The following RNF10 variants were observed in gnomAD, a reference collection of about 807,000 sequenced individuals.
RNF10 encodes E3 ubiquitin-protein ligase RNF10.
A neutral mutation model predicts 91.4 loss-of-function variants in RNF10; 38 were observed. The observed-to-expected ratio is 0.42, with a 90% confidence interval of 0.32 to 0.54. The LOEUF is 0.54. Ranked by LOEUF, RNF10 falls within the 20% of genes least tolerant of loss-of-function variation. The pLI, the probability that RNF10 is intolerant of heterozygous loss-of-function variation, is 0.16. For missense variants in RNF10, 945 were observed against 1,012.0 expected, an observed-to-expected ratio of 0.93 and a Z score of 0.90; for synonymous variants, 364 against 366.3, an observed-to-expected ratio of 0.99 and a Z score of 0.07.
Position 120,563,344 on chromosome 12 carries a change from C to G in RNF10, c.1255-3C>G, listed in dbSNP as rs187587613. On this transcript the variant is annotated splice_region_variant and splice_polypyrimidine_tract_variant and intron_variant, in intron 8 of 16. Coordinates refer to ENST00000325954, the MANE Select transcript of RNF10 (RefSeq NM_014868.5). ...TCTGTTGACTTAGAGTTTGCTGCAA[C>G]AGGGTGTGCTGGAGTATCTGTCTGC... 589 of 1,604,390 alleles carry G rather than the reference C, an allele frequency of 3.7e-4. 2 individuals are homozygous for G. Among genetic ancestry groups the G allele is most frequent in the Non-Finnish European group, 6.0e-5 (70 of 1,176,316 alleles).
chr12:120,544,622 C>T (rs1435199297), intron 1 of RNF10, among the ~76,000 whole-genome samples: 1 of 152,192 alleles, frequency 6.6e-6, no homozygotes, highest in Non-Finnish European at 1.5e-5. Context: ...TGCCACTGCA[C>T]TCTAGCCTGG....
chr12:120,564,313 A>G (rs764143150), intron 10 of RNF10, among the ~76,000 whole-genome samples: 1 of 152,190 alleles, frequency 6.6e-6, no homozygotes, highest in Non-Finnish European at 1.5e-5. Flanking sequence ...TAAATTTTTC[A>G]TCAAACATAT....
chr12:120,570,508 T>C (rs1206434324), intron 13 of RNF10, among the ~76,000 whole-genome samples: 1 of 152,160 alleles, frequency 6.6e-6, no homozygotes, highest in Non-Finnish European at 1.5e-5. Context: ...AAGCTTTTAA[T>C]GTATTTAAGC....
Position 120,541,437 on chromosome 12 carries a change from CT to C in RNF10, c.158-4953del, listed in dbSNP as rs3049456. ...GGGGTTCTGCATCCCCTGAGTTTTC[CT>C]TTTTTTTTTTTTTTGAGACGGAGTC... On this transcript the variant is annotated intron_variant, in intron 1 of 16. Coordinates refer to ENST00000325954, the MANE Select transcript of RNF10 (RefSeq NM_014868.5). Among the ~76,000 whole-genome samples, 1,058 of 140,552 alleles carry C rather than the reference CT, an allele frequency of 7.5e-3. 19 individuals are homozygous for C. The highest frequency in any genetic ancestry group is 6.7e-3 in the Non-Finnish European group (440 of 65,302). 92.2% of individuals were successfully genotyped at this position (140,552 alleles called of 152,430 possible).
chr12:120,550,035 T>C (rs1872821070), intron 2 of RNF10, among the ~76,000 whole-genome samples: 1 of 152,188 alleles, frequency 6.6e-6, no homozygotes, highest in African/African-American at 2.4e-5. Flanking sequence ...CACTCCTGTC[T>C]AATAGATCAA....
chr12:120,543,571 G>A (rs375315522), intron 1 of RNF10, among the ~76,000 whole-genome samples: 25 of 152,238 alleles, frequency 1.6e-4, no homozygotes, highest in African/African-American at 5.5e-4. Context: ...GGAGGCTGAG[G>A]CTGGTGGATC....
intron 13 of RNF10, 38 bp downstream of exon 13, chr12:120,567,018 A>G: frequency 6.3e-7 from 1 of 1,581,950 alleles, no homozygotes; most frequent in Non-Finnish European, 8.6e-7. Context: ...CCCATCAGTT[A>G]GACCTTATGC....
Position 120,552,650 on chromosome 12 carries a change from A to G in RNF10, c.506A>G (p.Asn169Ser). ...GSGHGSWGKR[N>S]KWGHKPFNKE... ...GGACATGGTAGCTGGGGAAAGAGGA[A>G]CAAGTGGGGACATAAGCCTTTTAAC... The change falls in exon 3 of 17, where the codon AAC becomes AGC. Residue 169 changes from asparagine to serine, a missense_variant. Physicochemically the swap from Asn to Ser is conservative, Grantham distance 46. Transcript: ENST00000325954. The G allele has an allele frequency of 1.2e-6, 2 of 1,614,072 alleles. No homozygotes were observed. The highest frequency in any genetic ancestry group is 1.1e-5 in the South Asian group (1 of 91,076).
intron 9 of RNF10, 59 bp from the exon 10 acceptor site, chr12:120,563,751 G>A (rs7956232): frequency 0.016 from 25,394 of 1,600,684 alleles, 289 homozygotes; most frequent in Non-Finnish European, 0.019. Flanking sequence ...ATGGGGAGGG[G>A]TGGGGAGCCT....
At position 120,540,463 on chromosome 12, in the gene RNF10, T is replaced by G. The variant is rs571395311; in HGVS notation, c.157+5495T>G. ...CTAAAGTGGATCATCTTATCACTCC[T>G]GTTCTACCCTCGAGTTTTTCCCATG... is the stretch of plus-strand genomic sequence containing the variant. On this transcript the variant is annotated intron_variant, in intron 1 of 16. Coordinates refer to ENST00000325954, the MANE Select transcript of RNF10 (RefSeq NM_014868.5). Among the ~76,000 whole-genome samples, 11 of 152,314 alleles carry G rather than the reference T, an allele frequency of 7.2e-5. No homozygotes were observed. The South Asian group carries it at 2.1e-3, about 29-fold the overall frequency.
chr12:120,568,261 A>G (rs1876080685), intron 13 of RNF10, among the ~76,000 whole-genome samples: 1 of 152,066 alleles, frequency 6.6e-6, no homozygotes, highest in Non-Finnish European at 1.5e-5. Context: ...AAAGAAAAAT[A>G]CTGAGACAGA....
intron 10 of RNF10, 29 bp from the exon 11 acceptor site, chr12:120,565,043 G>C: frequency 6.7e-7 from 1 of 1,500,418 alleles, no homozygotes; most frequent in South Asian, 1.1e-5. Flanking sequence ...GCTTGCTTTT[G>C]TTGAGTATTG....
At chr12:120,563,978 G>A in intron 10 of RNF10, 35 bp downstream of exon 10, 2 of 1,613,444 alleles carry the variant, frequency 1.2e-6, no homozygotes, top group Non-Finnish European at 1.7e-6. Context: ...GGGTCAGGCA[G>A]CAGTATTAAC....
intron 6 of RNF10, among the ~76,000 whole-genome samples, chr12:120,559,834 T>TATAGGCGCC (rs1350144678): frequency 6.6e-6 from 1 of 151,846 alleles, no homozygotes; most frequent in African/African-American, 2.4e-5. Flanking sequence ...TAGCTGGGAT[T>TATAGGCGCC]ATAGGCGCCC....
chr12:120,557,097 A>AAAAAG (rs1874154401), intron 4 of RNF10, among the ~76,000 whole-genome samples, 185 bp from the exon 5 acceptor site: 2 of 151,828 alleles, frequency 1.3e-5, no homozygotes, highest in Non-Finnish European at 2.9e-5. Flanking sequence ...AAAAAAAAAA[A>AAAAAG]AAAAGAAAAA....
chr12:120,573,846 A>C (rs1427145291), intron 14 of RNF10, among the ~76,000 whole-genome samples: 1 of 152,198 alleles, frequency 6.6e-6, no homozygotes, highest in Admixed American at 6.5e-5. Flanking sequence ...CACACCAGCT[A>C]CTTCAGATCC....
At chr12:120,574,247 A>C (rs1448931577) in intron 14 of RNF10, among the ~76,000 whole-genome samples, 2 of 152,246 alleles carry the variant, frequency 1.3e-5, no homozygotes, top group African/African-American at 4.8e-5. Flanking sequence ...GGCATTCCTC[A>C]CTTTGGAATA....
At chr12:120,560,097 T>C (rs1024769992) in intron 6 of RNF10, among the ~76,000 whole-genome samples, 1 of 152,006 alleles carries the variant, frequency 6.6e-6, no homozygotes, top group African/African-American at 2.4e-5. Flanking sequence ...CTTTATTCTT[T>C]ATTGTTGGTT....
intron 1 of RNF10, among the ~76,000 whole-genome samples, chr12:120,541,652 T>G (rs1364729415): frequency 6.6e-6 from 1 of 151,190 alleles, no homozygotes; most frequent in Non-Finnish European, 1.5e-5. Context: ...GCCAGGATGG[T>G]CTCTATCTCC....
Sources: allele counts gnomAD v4.1 joint callset (sites outside exome capture counted in the v4.1 genomes callset), GRCh38; gene constraint gnomAD v4.1.1; transcripts MANE v1.5; gene names NCBI Gene and HGNC (gene_info 2026-07-23, HGNC 2026-07-21).